The following PDE11A variants were observed in gnomAD, a reference collection of about 807,000 sequenced individuals.
The protein encoded by PDE11A is dual 3',5'-cyclic-AMP and -GMP phosphodiesterase 11A.
A neutral mutation model predicts 100.5 loss-of-function variants in PDE11A; 100 were observed. The observed-to-expected ratio is 1.00, with a 90% confidence interval of 0.85 to 1.18. The LOEUF (loss-of-function observed/expected upper bound fraction) is 1.18, where lower values mean the gene tolerates loss of function less well. Ranked by LOEUF, PDE11A falls within the 50% of genes most tolerant of loss-of-function variation. The probability of loss-of-function intolerance (pLI) is 0.00; values close to 1 mark genes in which losing one functional copy is unlikely to be tolerated. For missense variants in PDE11A, 1,141 were observed against 1,152.6 expected (o/e 0.99, Z 0.15); for synonymous variants, 381 against 420.8 (o/e 0.91, Z 1.16).
chr2:178,026,208 C>T (rs1237376145), intron 1 of PDE11A, among the ~76,000 whole-genome samples: 1 of 152,172 alleles, frequency 6.6e-6, no homozygotes, highest in African/African-American at 2.4e-5. Flanking sequence ...GATATGTAGG[C>T]AGCTATCTCA....
chr2:177,800,580 G>T (rs916058838), intron 9 of PDE11A, among the ~76,000 whole-genome samples: 6 of 152,156 alleles, frequency 3.9e-5, no homozygotes, highest in African/African-American at 1.4e-4. Context: ...CTTTAATTAT[G>T]ATTTTTATTT....
intron 9 of PDE11A, among the ~76,000 whole-genome samples, chr2:177,777,128 T>C (rs13017254): frequency 0.074 from 11,339 of 152,246 alleles, 539 homozygotes; most frequent in South Asian, 0.15. Flanking sequence ...CCTTTATAAA[T>C]TACCCAGTCT....
chr2:177,721,324 CTGGTA>C (rs1205612698), intron 12 of PDE11A, among the ~76,000 whole-genome samples: 2 of 152,026 alleles, frequency 1.3e-5, no homozygotes, highest in Non-Finnish European at 2.9e-5. Flanking sequence ...AAGCAAACCT[CTGGTA>C]TCTGTCAACA....
At chr2:177,751,796 A>G (rs1043277189) in intron 10 of PDE11A, among the ~76,000 whole-genome samples, 1 of 152,234 alleles carries the variant, frequency 6.6e-6, no homozygotes, top group Non-Finnish European at 1.5e-5. Flanking sequence ...AGAGTACAGG[A>G]GAAACAGGCA....
chr2:178,004,067 T>A (rs2086176004), intron 2 of PDE11A, among the ~76,000 whole-genome samples: 2 of 152,164 alleles, frequency 1.3e-5, no homozygotes, highest in Non-Finnish European at 2.9e-5. Flanking sequence ...TAAAATACTG[T>A]GTGTACTACT....
chr2:177,845,912 C>G (rs1261155960), intron 5 of PDE11A, among the ~76,000 whole-genome samples: 2 of 151,108 alleles, frequency 1.3e-5, no homozygotes, highest in African/African-American at 2.4e-5. Context: ...CGCAGGCACT[C>G]GGCAGGCTGA....
At chr2:178,028,607 G>T (rs2086507557) in intron 1 of PDE11A, among the ~76,000 whole-genome samples, 1 of 152,164 alleles carries the variant, frequency 6.6e-6, no homozygotes, top group African/African-American at 2.4e-5. Context: ...GAGTTGATTA[G>T]CTCCTCTTAG....
intron 2 of PDE11A, chr2:177,922,574 A>G (rs1339155887): frequency 2.0e-6 from 1 of 505,622 alleles, no homozygotes; most frequent in African/African-American, 2.1e-5. Context: ...GGCTGAACCC[A>G]AAAACCTGGA....
At chr2:177,869,006 A>G (rs2084077805) in intron 5 of PDE11A, among the ~76,000 whole-genome samples, 2 of 152,096 alleles carry the variant, frequency 1.3e-5, no homozygotes. Flanking sequence ...GCTGTACACC[A>G]CTCATTCATC....
At chr2:178,071,004 A>T (rs1037954909) in intron 1 of PDE11A, among the ~76,000 whole-genome samples, 1 of 152,160 alleles carries the variant, frequency 6.6e-6, no homozygotes, top group African/African-American at 2.4e-5. Flanking sequence ...CTAGCTTACC[A>T]CTTGTGCAAC....
chr2:177,820,319 T>C (rs757917930), intron 6 of PDE11A, 24 bp from the exon 7 acceptor site: 2 of 1,314,078 alleles, frequency 1.5e-6, no homozygotes, highest in East Asian at 4.6e-5. Flanking sequence ...AAGAAGTTAA[T>C]TAAAATTGAA....
chr2:177,921,283 T>C (rs1050865032), intron 2 of PDE11A, among the ~76,000 whole-genome samples: 1 of 151,714 alleles, frequency 6.6e-6, no homozygotes, highest in Non-Finnish European at 1.5e-5. Context: ...CCTATAGATA[T>C]ACAGAAAATA....
At chr2:177,633,382 C>T (rs1040256726) in intron 19 of PDE11A, among the ~76,000 whole-genome samples, 1 of 152,140 alleles carries the variant, frequency 6.6e-6, no homozygotes, top group Non-Finnish European at 1.5e-5. Context: ...GTTAGTAAAC[C>T]TAATTTATCT....
At chr2:177,731,272 C>T (rs2081685200) in intron 10 of PDE11A, among the ~76,000 whole-genome samples, 1 of 152,096 alleles carries the variant, frequency 6.6e-6, no homozygotes, top group Non-Finnish European at 1.5e-5. Flanking sequence ...TCCTTAGCGG[C>T]CTGATAATCT....
At chr2:177,773,790 T>C (rs547563096) in intron 9 of PDE11A, among the ~76,000 whole-genome samples, 8 of 152,182 alleles carry the variant, frequency 5.3e-5, no homozygotes, top group Non-Finnish European at 1.0e-4. Context: ...CAGGGAGGAA[T>C]CATCGGCTAA....
At chr2:177,706,952 T>C (rs60501109) in intron 13 of PDE11A, among the ~76,000 whole-genome samples, 14,890 of 152,096 alleles carry the variant, frequency 0.098, 2,396 homozygotes, top group African/African-American at 0.33. Flanking sequence ...TTACTTTGGT[T>C]TTATAATTTT....
At chr2:178,053,438 CT>C (rs954543262) in intron 1 of PDE11A, among the ~76,000 whole-genome samples, 57 of 152,180 alleles carry the variant, frequency 3.7e-4, no homozygotes, top group African/African-American at 1.3e-3. Context: ...GAAGCATTCC[CT>C]TTGAAAACTG....
At chr2:177,906,947 G>T (rs2084799431) in intron 2 of PDE11A, among the ~76,000 whole-genome samples, 1 of 152,140 alleles carries the variant, frequency 6.6e-6, no homozygotes, top group African/African-American at 2.4e-5. Flanking sequence ...AAAGCAAGGA[G>T]GAGACTTATT....
At chr2:177,711,350 G>T (rs761128793) in intron 13 of PDE11A, among the ~76,000 whole-genome samples, 1 of 152,164 alleles carries the variant, frequency 6.6e-6, no homozygotes, top group African/African-American at 2.4e-5. Flanking sequence ...AAGAATCCTG[G>T]AAGAGACTCT....
Sources: allele counts gnomAD v4.1 joint callset (sites outside exome capture counted in the v4.1 genomes callset), GRCh38; gene constraint gnomAD v4.1.1; transcripts MANE v1.5; gene names NCBI Gene and HGNC (gene_info 2026-07-23, HGNC 2026-07-21).